The following MALRD1 variants were observed in gnomAD, a reference collection of about 807,000 sequenced individuals.
The protein encoded by MALRD1 is MAM and LDL-receptor class A domain-containing protein 1.
In MALRD1, 247 loss-of-function variants were observed where a neutral mutation model predicts 242.1. The ratio of observed to expected loss-of-function variants is 1.02; its 90% confidence interval spans 0.92 to 1.13. The LOEUF (loss-of-function observed/expected upper bound fraction) is 1.13, where lower values mean the gene tolerates loss of function less well. Among genes scored for constraint, MALRD1 ranks in the 50% most tolerant of loss-of-function variants. The pLI, the probability that MALRD1 is intolerant of heterozygous loss-of-function variation, is 0.00. For missense variants in MALRD1, 2,989 were observed against 2,533.1 expected, an observed-to-expected ratio of 1.18 and a Z score of -3.86; for synonymous variants, 995 against 866.6, an observed-to-expected ratio of 1.15 and a Z score of -2.60.
chr10:19,485,591 C>G (rs1837199712), intron 29 of MALRD1, among the ~76,000 whole-genome samples: 1 of 151,136 alleles, frequency 6.6e-6, no homozygotes, highest in Non-Finnish European at 1.5e-5. Context: ...TGCAGTGAGC[C>G]CAGATCGCGC....
intron 36 of MALRD1, among the ~76,000 whole-genome samples, chr10:19,679,134 C>G (rs908974325): frequency 6.6e-6 from 1 of 152,104 alleles, no homozygotes; most frequent in African/African-American, 2.4e-5. Context: ...GTTGTTGTAT[C>G]TCTACCAGGT....
intron 21 of MALRD1, among the ~76,000 whole-genome samples, chr10:19,286,692 A>G (rs1187659491): frequency 1.3e-5 from 2 of 151,658 alleles, no homozygotes; most frequent in Non-Finnish European, 2.9e-5. Context: ...TTTACCAACC[A>G]AAAAGAGTCC....
chr10:19,361,202 A>G (rs1484183481), intron 26 of MALRD1, among the ~76,000 whole-genome samples: 2 of 152,150 alleles, frequency 1.3e-5, no homozygotes, highest in Admixed American at 6.6e-5. Flanking sequence ...TATTTTGCCA[A>G]TGGAATGTGA....
At chr10:19,422,212 G>A (rs779181726) in intron 28 of MALRD1, among the ~76,000 whole-genome samples, 2 of 152,132 alleles carry the variant, frequency 1.3e-5, no homozygotes, top group Admixed American at 1.3e-4. Context: ...AAAATTTTCT[G>A]TGAAGCCCTG....
chr10:19,186,002 G>T (rs1034780050), intron 14 of MALRD1, among the ~76,000 whole-genome samples: 2 of 151,916 alleles, frequency 1.3e-5, no homozygotes, highest in Admixed American at 1.3e-4. Context: ...TTTTAATTTT[G>T]TAAGGTCTGG....
intron 24 of MALRD1, among the ~76,000 whole-genome samples, chr10:19,338,515 C>T (rs1274258012): frequency 6.8e-6 from 1 of 146,340 alleles, no homozygotes. Context: ...TTTTGTAAAA[C>T]CATAACAAAA....
intron 36 of MALRD1, among the ~76,000 whole-genome samples, chr10:19,622,660 AC>A (rs1839457907): frequency 6.6e-6 from 1 of 150,836 alleles, no homozygotes; most frequent in South Asian, 2.1e-4. Context: ...AAAAAAAAAA[AC>A]AAACTATGAG....
intron 4 of MALRD1, among the ~76,000 whole-genome samples, chr10:19,092,721 GC>G (rs1372783252): frequency 1.2e-4 from 8 of 64,920 alleles, no homozygotes; most frequent in Non-Finnish European, 2.1e-4. Flanking sequence ...TTTTGCAGTG[GC>G]TGGTACCGGT....
rs76508013 is a variant in MALRD1, at chr10:19,187,089, T to C, written c.1951+11761T>C. Reference sequence around the variant, plus strand: ...ATAATAATTTAGTTAATTTATGTAGTATAAATACTCACATGCTTACTTTTA... The same window carrying C: ...ATAATAATTTAGTTAATTTATGTAGCATAAATACTCACATGCTTACTTTTA... On this transcript the variant is annotated intron_variant, in intron 14 of 39. Transcript: ENST00000454679. Among the ~76,000 whole-genome samples the C allele has an allele frequency of 2.8e-4, 43 of 152,340 alleles. No homozygotes were observed. The East Asian group carries it at 6.6e-3, about 23-fold the overall frequency.
At chr10:19,222,869 A>C (rs1837622012) in intron 18 of MALRD1, among the ~76,000 whole-genome samples, 1 of 152,220 alleles carries the variant, frequency 6.6e-6, no homozygotes, top group Non-Finnish European at 1.5e-5. Flanking sequence ...CATGGCGTTC[A>C]CTAAGAAAAA....
intron 13 of MALRD1, 82 bp downstream of exon 13, chr10:19,165,892 T>C: frequency 9.7e-7 from 1 of 1,031,104 alleles, no homozygotes; most frequent in Non-Finnish European, 1.2e-6. Flanking sequence ...ATAACACACA[T>C]AGCTCATACC....
At chr10:19,072,138 T>C (rs1214495362) in intron 2 of MALRD1, among the ~76,000 whole-genome samples, 1 of 152,184 alleles carries the variant, frequency 6.6e-6, no homozygotes, top group African/African-American at 2.4e-5. Context: ...AAGGATACGA[T>C]GTGTGTGTTT....
At chr10:19,191,881 C>A (rs1039298267) in intron 14 of MALRD1, among the ~76,000 whole-genome samples, 2 of 151,988 alleles carry the variant, frequency 1.3e-5, no homozygotes, top group African/African-American at 4.8e-5. Flanking sequence ...ATCTGTAATC[C>A]CAGCTACTCA....
intron 14 of MALRD1, among the ~76,000 whole-genome samples, chr10:19,199,281 T>C (rs897041182): frequency 1.3e-5 from 2 of 152,196 alleles, no homozygotes; most frequent in African/African-American, 2.4e-5. Context: ...GTCATACATG[T>C]TTTGATTTTG....
chr10:19,286,615 A>T (rs1365875406), intron 21 of MALRD1, among the ~76,000 whole-genome samples: 1 of 152,032 alleles, frequency 6.6e-6, no homozygotes, highest in Non-Finnish European at 1.5e-5. Context: ...CCAAGACTAA[A>T]CCAGGAAGAA....
chr10:19,371,494 TTTTTG>T (rs1845375924), intron 26 of MALRD1, among the ~76,000 whole-genome samples: 4 of 138,874 alleles, frequency 2.9e-5, no homozygotes, highest in African/African-American at 8.1e-5. Flanking sequence ...TTTGTTTTGT[TTTTTG>T]TTTTTTTCTT....
intron 11 of MALRD1, among the ~76,000 whole-genome samples, chr10:19,153,105 C>G (rs193060005): frequency 3.3e-5 from 5 of 152,238 alleles, no homozygotes; most frequent in Admixed American, 3.3e-4. Flanking sequence ...TTGACACTTT[C>G]ATTTGTTGTT....
intron 21 of MALRD1, among the ~76,000 whole-genome samples, chr10:19,308,928 A>G (rs183787065): frequency 6.6e-5 from 10 of 151,716 alleles, no homozygotes; most frequent in Admixed American, 2.6e-4. Flanking sequence ...AGTATGAGAG[A>G]CTAATATTAT....
chr10:19,436,167 A>G (rs1485045409), intron 28 of MALRD1, among the ~76,000 whole-genome samples: 2 of 152,114 alleles, frequency 1.3e-5, no homozygotes, highest in Non-Finnish European at 2.9e-5. Flanking sequence ...CATTTCTCCA[A>G]AGACCACTGG....
Sources: allele counts gnomAD v4.1 joint callset (sites outside exome capture counted in the v4.1 genomes callset), GRCh38; gene constraint gnomAD v4.1.1; transcripts MANE v1.5; gene names NCBI Gene and HGNC (gene_info 2026-07-23, HGNC 2026-07-21).